The following CHN2 variants were observed in gnomAD, a reference collection of about 807,000 sequenced individuals.
CHN2 encodes beta-chimaerin.
In CHN2, 35 loss-of-function variants were observed where a neutral mutation model predicts 56.3. That is an observed-to-expected ratio of 0.62 (90% CI 0.47 to 0.82). The LOEUF (loss-of-function observed/expected upper bound fraction) is 0.82, where lower values mean the gene tolerates loss of function less well. CHN2 is among the 40% of genes least tolerant of loss of function. The pLI, the probability that CHN2 is intolerant of heterozygous loss-of-function variation, is 0.00. For synonymous variants in CHN2, 210 were observed against 212.8 expected (o/e 0.99, Z 0.12); for missense variants, 491 against 580.5 (o/e 0.85, Z 1.58).
intron 1 of CHN2, among the ~76,000 whole-genome samples, chr7:29,259,956 C>T (rs1378383322): frequency 6.6e-6 from 1 of 151,950 alleles, no homozygotes; most frequent in East Asian, 1.9e-4. Context: ...GGAGGTCAGA[C>T]TTTTCTATGT....
intron 6 of CHN2, among the ~76,000 whole-genome samples, chr7:29,470,766 G>A (rs570529238): frequency 1.3e-5 from 2 of 152,310 alleles, no homozygotes; most frequent in South Asian, 2.1e-4. Context: ...CTGAGTGAGC[G>A]GAGCTTGAGA....
chr7:29,211,435 A>T (rs536737734), intron 1 of CHN2, among the ~76,000 whole-genome samples: 1 of 147,024 alleles, frequency 6.8e-6, no homozygotes, highest in South Asian at 2.1e-4. Context: ...GACTAAACAC[A>T]AATGCTGCAT....
At chr7:29,163,376 A>C (rs11973415) in intron 2 of CHN2, among the ~76,000 whole-genome samples, 20,376 of 152,132 alleles carry the variant, frequency 0.13, 1,587 homozygotes, top group African/African-American at 0.22. Context: ...ATTATTTTCA[A>C]CCTTAAAAAT....
At chr7:29,512,299 G>A (rs1195149528) in intron 12 of CHN2, among the ~76,000 whole-genome samples, 1 of 149,760 alleles carries the variant, frequency 6.7e-6, no homozygotes, top group African/African-American at 2.4e-5. Context: ...TTAATAAGGA[G>A]GACTAATTTT....
intron 6 of CHN2, among the ~76,000 whole-genome samples, chr7:29,452,783 A>G (rs535386258): frequency 8.5e-5 from 13 of 152,326 alleles, no homozygotes; most frequent in Non-Finnish European, 1.9e-4. Flanking sequence ...AGAGTGAAAG[A>G]GTAGATGGTG....
intron 1 of CHN2, among the ~76,000 whole-genome samples, chr7:29,249,935 A>T (rs185511077): frequency 2.6e-5 from 4 of 152,384 alleles, no homozygotes; most frequent in African/African-American, 9.6e-5. Flanking sequence ...TTGTAAAACC[A>T]TATGTAAGAA....
chr7:29,504,818 A>G lies in CHN2; in HGVS notation c.988A>G (p.Arg330Gly). ...TGAAGATGTCAAAATGGCATTTGACAGAGGTAAGCTTGTACTTTCTTGAAT... is the reference window on the plus strand; with the variant it reads ...TGAAGATGTCAAAATGGCATTTGACGGAGGTAAGCTTGTACTTTCTTGAAT... ...HIEDVKMAFD[R>G]DGEKADISAN... Residue 330 changes from arginine (R) to glycine (G), a missense_variant, in exon 10 of 13, where the codon AGA (arginine) becomes GGA (glycine). Physicochemically the swap from Arg to Gly is moderately radical, Grantham distance 125. Transcript: ENST00000222792. The G allele has an allele frequency of 6.2e-7, 1 of 1,611,678 alleles. No individual in the cohort carries two copies. The highest frequency in any genetic ancestry group is 8.5e-7 in the Non-Finnish European group (1 of 1,178,052).
chr7:29,404,465 G>A (rs1802470510), intron 6 of CHN2, among the ~76,000 whole-genome samples: 1 of 152,074 alleles, frequency 6.6e-6, no homozygotes, highest in Non-Finnish European at 1.5e-5. Context: ...CCGTTTCACT[G>A]TTCATTATAG....
chr7:29,470,749 G>C (rs1033401253), intron 6 of CHN2, among the ~76,000 whole-genome samples: 2 of 152,204 alleles, frequency 1.3e-5, no homozygotes, highest in Non-Finnish European at 2.9e-5. Flanking sequence ...GGATTTCCCA[G>C]GCTCCCCTGA....
chr7:29,385,629 C>T (rs1307338551), intron 3 of CHN2, among the ~76,000 whole-genome samples: 2 of 152,124 alleles, frequency 1.3e-5, no homozygotes, highest in African/African-American at 4.8e-5. Context: ...ACTGGGGAAC[C>T]AGTGGGGAAT....
chr7:29,510,567 C>T (rs1479395208), intron 12 of CHN2, among the ~76,000 whole-genome samples: 1 of 152,148 alleles, frequency 6.6e-6, no homozygotes, highest in Non-Finnish European at 1.5e-5. Context: ...CCCTCACCAG[C>T]AGTTTGCTGG....
Position 29,292,565 on chromosome 7 carries a change from C to T in CHN2, c.50-62060C>T, listed in dbSNP as rs369328614. ...AACTACAGCTTCCGCTTCTATAATG[C>T]TTTGCAATGCCAACAGATTTTTATG... On this transcript the variant is annotated intron_variant, in intron 1 of 12. Coordinates refer to ENST00000222792, the MANE Select transcript of CHN2 (RefSeq NM_004067.4). 2.6e-5 allele frequency among the ~76,000 whole-genome samples: 4 copies of T among 152,360 alleles called. No individual in the cohort carries two copies. In the Middle Eastern group the frequency reaches 0.01, roughly 389 times the overall value.
chr7:29,302,678 T>C (rs1022316863), intron 1 of CHN2, among the ~76,000 whole-genome samples: 10 of 152,062 alleles, frequency 6.6e-5, no homozygotes, highest in African/African-American at 2.4e-4. Context: ...CACAGTGTTA[T>C]GTGGCCATCA....
At chr7:29,210,070 C>T (rs1290737953) in intron 1 of CHN2, among the ~76,000 whole-genome samples, 1 of 151,992 alleles carries the variant, frequency 6.6e-6, no homozygotes, top group Non-Finnish European at 1.5e-5. Context: ...TAGTTTGGCC[C>T]AGATCATCTC....
intron 9 of CHN2, among the ~76,000 whole-genome samples, chr7:29,502,503 T>A (rs1458599267): frequency 6.6e-6 from 1 of 152,126 alleles, no homozygotes; most frequent in East Asian, 1.9e-4. Flanking sequence ...AATCAAAGGT[T>A]CCATTACAAC....
At chr7:29,494,371 G>C (rs1165576654) in intron 7 of CHN2, among the ~76,000 whole-genome samples, 1 of 151,878 alleles carries the variant, frequency 6.6e-6, no homozygotes, top group Non-Finnish European at 1.5e-5. Flanking sequence ...CCATAATTAA[G>C]AGCATTTCTA....
At chr7:29,398,761 ATTTTTTTTT>A (rs61569425) in intron 5 of CHN2, among the ~76,000 whole-genome samples, 1 of 120,322 alleles carries the variant, frequency 8.3e-6, no homozygotes, top group South Asian at 2.9e-4. Context: ...TGACTGGCTA[ATTTTTTTTT>A]TTTTTTTTTT....
At chr7:29,372,550 G>A (rs1799702366) in intron 3 of CHN2, among the ~76,000 whole-genome samples, 1 of 152,028 alleles carries the variant, frequency 6.6e-6, no homozygotes, top group South Asian at 2.1e-4. Flanking sequence ...CCTTAGCAGT[G>A]AGCATAGCCA....
At chr7:29,232,344 T>G (rs2128802368) in intron 1 of CHN2, among the ~76,000 whole-genome samples, 1 of 152,334 alleles carries the variant, frequency 6.6e-6, no homozygotes, top group African/African-American at 2.4e-5. Flanking sequence ...TAACCTTTTC[T>G]CTAGTTTAGT....
Sources: allele counts gnomAD v4.1 joint callset (sites outside exome capture counted in the v4.1 genomes callset), GRCh38; gene constraint gnomAD v4.1.1; transcripts MANE v1.5; gene names NCBI Gene and HGNC (gene_info 2026-07-23, HGNC 2026-07-21).